PDE1C: variants seen among roughly 807,000 people sequenced by gnomAD.
The protein encoded by PDE1C is phosphodiesterase 1C.
PDE1C carries 62 observed loss-of-function variants against 93.1 expected under a neutral mutation model. That is an observed-to-expected ratio of 0.67 (90% confidence interval 0.54 to 0.82). The LOEUF is 0.82. PDE1C is among the 40% of genes least tolerant of loss of function. The pLI, the probability that PDE1C is intolerant of heterozygous loss-of-function variation, is 0.00. For synonymous variants in PDE1C, 325 were observed against 310.1 expected (o/e 1.05, Z -0.50); for missense variants, 742 against 884.6 (o/e 0.84, Z 2.04).
At chr7:32,109,991 T>A (rs182461243) in intron 3 of PDE1C, among the ~76,000 whole-genome samples, 2 of 152,240 alleles carry the variant, frequency 1.3e-5, no homozygotes, top group East Asian at 3.9e-4. Flanking sequence ...AACTTAGATA[T>A]ATTTGAAAGA....
At chr7:31,664,535 A>C in the PDE1C span, among the ~76,000 whole-genome samples, 1 of 152,218 alleles carries the variant, frequency 6.6e-6, no homozygotes, top group Non-Finnish European at 1.5e-5. Context: ...ACAGACTCAC[A>C]TGTCTGGCTC....
the PDE1C span, among the ~76,000 whole-genome samples, chr7:31,671,956 CCTTCTGGCATAA>C: frequency 2.6e-5 from 4 of 152,152 alleles, no homozygotes; most frequent in African/African-American, 7.2e-5. Context: ...TGGAAATGTC[CCTTCTGGCATAA>C]CTTCTATTCT....
intron 2 of PDE1C, among the ~76,000 whole-genome samples, chr7:32,182,702 G>A (rs1395126823): frequency 1.3e-5 from 2 of 152,148 alleles, no homozygotes; most frequent in African/African-American, 2.4e-5. Flanking sequence ...CATACTGAAT[G>A]GGCAAAAACT....
intron 1 of PDE1C, among the ~76,000 whole-genome samples, chr7:32,246,956 A>G (rs1809006884): frequency 6.6e-6 from 1 of 152,262 alleles, no homozygotes; most frequent in East Asian, 1.9e-4. Context: ...TAAATAAAAT[A>G]CAGTCTGCCT....
At chr7:31,739,183 G>A in the PDE1C span, among the ~76,000 whole-genome samples, 7 of 140,900 alleles carry the variant, frequency 5.0e-5, no homozygotes, top group South Asian at 2.4e-4. Flanking sequence ...AGTGATTGAC[G>A]TCAGCAGTAA....
At chr7:31,976,743 G>A (rs936387601) in intron 2 of PDE1C, among the ~76,000 whole-genome samples, 3 of 152,114 alleles carry the variant, frequency 2.0e-5, no homozygotes, top group Admixed American at 1.3e-4. Context: ...AACATATATC[G>A]AATTATATCA....
At chr7:31,855,581 C>G (rs1375423047) in intron 7 of PDE1C, among the ~76,000 whole-genome samples, 2 of 151,758 alleles carry the variant, frequency 1.3e-5, no homozygotes, top group Admixed American at 1.3e-4. Flanking sequence ...ATTTGGCACT[C>G]TTCAAACAAA....
the PDE1C span, among the ~76,000 whole-genome samples, chr7:31,661,256 A>G: frequency 6.6e-6 from 1 of 152,170 alleles, no homozygotes; most frequent in Admixed American, 6.5e-5. Flanking sequence ...GTCAATTAGA[A>G]AGTGTGTTTC....
chr7:31,632,521 T>G, the PDE1C span, among the ~76,000 whole-genome samples: 1 of 152,164 alleles, frequency 6.6e-6, no homozygotes, highest in East Asian at 1.9e-4. Flanking sequence ...TAGATCAAAT[T>G]TCACAAGGAT....
At chr7:32,221,321 A>G (rs1471816678) in intron 1 of PDE1C, among the ~76,000 whole-genome samples, 1 of 152,126 alleles carries the variant, frequency 6.6e-6, no homozygotes, top group Non-Finnish European at 1.5e-5. Flanking sequence ...ATCTCCCTCC[A>G]TCAAGCCCCT....
At chr7:31,899,098 G>T (rs898532097) in intron 2 of PDE1C, among the ~76,000 whole-genome samples, 1 of 146,338 alleles carries the variant, frequency 6.8e-6, no homozygotes, top group Non-Finnish European at 1.5e-5. Flanking sequence ...GTTGCTTTTA[G>T]TACTGATCCT....
intron 2 of PDE1C, among the ~76,000 whole-genome samples, chr7:31,966,086 A>T (rs1429488553): frequency 6.6e-6 from 1 of 152,198 alleles, no homozygotes; most frequent in Admixed American, 6.5e-5. Context: ...TCATAATGAC[A>T]GGATCAAATT....
intron 2 of PDE1C, among the ~76,000 whole-genome samples, chr7:31,943,261 T>A (rs1806093610): frequency 6.6e-6 from 1 of 152,126 alleles, no homozygotes; most frequent in African/African-American, 2.4e-5. Flanking sequence ...CATATGCCTA[T>A]CACATAGGAC....
intron 2 of PDE1C, among the ~76,000 whole-genome samples, chr7:32,033,248 T>C (rs937552192): frequency 3.3e-5 from 5 of 152,056 alleles, no homozygotes; most frequent in Non-Finnish European, 5.9e-5. Flanking sequence ...CATCCACAGA[T>C]GAATGGGCTC....
At chr7:31,852,842 T>C (rs924092842) in intron 7 of PDE1C, among the ~76,000 whole-genome samples, 5 of 128,486 alleles carry the variant, frequency 3.9e-5, no homozygotes, top group Non-Finnish European at 6.6e-5. Context: ...TCCATACATA[T>C]ATTACATATG....
chr7:31,738,867 A>G, the PDE1C span, among the ~76,000 whole-genome samples: 1 of 152,038 alleles, frequency 6.6e-6, no homozygotes, highest in Non-Finnish European at 1.5e-5. Flanking sequence ...CTGCCTCAGG[A>G]TGTGGTGAGT....
the PDE1C span, chr7:31,643,069 G>A: frequency 1.5e-5 from 25 of 1,613,972 alleles, no homozygotes; most frequent in Non-Finnish European, 2.1e-5. Flanking sequence ...TCATCCTCTG[G>A]GGTTTATGGT....
chr7:32,302,153 T>G (rs142981620), upstream of PDE1C, among the ~76,000 whole-genome samples: 173 of 152,356 alleles, frequency 1.1e-3, no homozygotes, highest in African/African-American at 4.1e-3. Context: ...ATAAAATGCT[T>G]ATTGACTCCT....
chr7:31,862,891 T>C (rs1794847858), intron 7 of PDE1C, among the ~76,000 whole-genome samples: 3 of 152,206 alleles, frequency 2.0e-5, no homozygotes, highest in East Asian at 3.8e-4. Flanking sequence ...TCAGTATGTA[T>C]TGTAATATCT....
Sources: allele counts gnomAD v4.1 joint callset (sites outside exome capture counted in the v4.1 genomes callset), GRCh38; gene constraint gnomAD v4.1.1; transcripts MANE v1.5; gene names NCBI Gene and HGNC (gene_info 2026-07-23, HGNC 2026-07-21).